The following LGR5 variants were observed in gnomAD, a reference collection of about 807,000 sequenced individuals.
The protein encoded by LGR5 is leucine rich repeat containing G protein-coupled receptor 5, also known as leucine-rich repeat-containing G protein-coupled receptor 5.
A neutral mutation model predicts 76.7 loss-of-function variants in LGR5; 54 were observed. The observed-to-expected ratio is 0.70, with a 90% confidence interval of 0.57 to 0.88. The LOEUF (loss-of-function observed/expected upper bound fraction) is 0.88. LGR5 is among the 40% of genes least tolerant of loss of function. The probability of loss-of-function intolerance (pLI) is 0.00; values close to 1 mark genes in which losing one functional copy is unlikely to be tolerated. For missense variants in LGR5, 1,078 were observed against 1,073.3 expected, an observed-to-expected ratio of 1.00 and a Z score of -0.06; for synonymous variants, 406 against 421.9, an observed-to-expected ratio of 0.96 and a Z score of 0.46.
chr12:71,575,258 C>T (rs1487320048), intron 13 of LGR5, among the ~76,000 whole-genome samples: 1 of 152,090 alleles, frequency 6.6e-6, no homozygotes, highest in Non-Finnish European at 1.5e-5. Context: ...CATAACTATA[C>T]CTGGCACATT....
At chr12:71,507,421 A>G (rs984023221) in intron 2 of LGR5, among the ~76,000 whole-genome samples, 3 of 152,082 alleles carry the variant, frequency 2.0e-5, no homozygotes, top group Admixed American at 1.3e-4. Flanking sequence ...CAGTGTGTAT[A>G]TATGTGTCTG....
chr12:71,556,905 T>C (rs1255646616), intron 6 of LGR5, among the ~76,000 whole-genome samples: 2 of 152,180 alleles, frequency 1.3e-5, no homozygotes, highest in Non-Finnish European at 2.9e-5. Flanking sequence ...GATAAATTAG[T>C]TAGAATCATT....
At chr12:71,510,590 G>GT (rs200804104) in intron 2 of LGR5, among the ~76,000 whole-genome samples, 14,023 of 152,190 alleles carry the variant, frequency 0.092, 672 homozygotes, top group Non-Finnish European at 0.11. Flanking sequence ...TGCTGTGTTT[G>GT]TTCCATTCAT....
intron 4 of LGR5, among the ~76,000 whole-genome samples, chr12:71,547,202 G>GC (rs1877220898): frequency 6.6e-6 from 1 of 152,138 alleles, no homozygotes; most frequent in Non-Finnish European, 1.5e-5. Flanking sequence ...TTTTTCCTCA[G>GC]CCATTTTAGC....
In LGR5 at chr12:71,572,935, C is replaced by G. The variant is rs1429181343; in HGVS notation, c.1208+14C>G. Reference sequence around the variant, plus strand: ...CCTCCGATCGCTGTGAGTATCACCTCCCAGTGCGTTCCCCAGCACAGAGCA... The same window carrying G: ...CCTCCGATCGCTGTGAGTATCACCTGCCAGTGCGTTCCCCAGCACAGAGCA... On this transcript the variant is annotated intron_variant, in intron 13 of 17. Transcript: ENST00000266674. 1.2e-6 allele frequency: 2 copies of G among 1,600,360 alleles called. No individual in the cohort carries two copies. The highest frequency in any genetic ancestry group is 1.3e-5 in the African/African-American group (1 of 74,674).
At position 71,440,276 on chromosome 12, in the gene LGR5, G is replaced by T; in HGVS notation, c.196G>T (p.Val66Phe). The T allele has an allele frequency of 6.2e-7, 1 of 1,611,794 alleles. No individual in the cohort carries two copies. Among genetic ancestry groups the T allele is most frequent in the Non-Finnish European group, 8.5e-7 (1 of 1,179,962 alleles). The change falls in exon 1 of 18, where the codon GTC becomes TTC. Residue 66 changes from valine (V) to phenylalanine (F), a missense_variant. Transcript: ENST00000266674. The surrounding 1 kb of genome is among the most constrained non-coding windows in gnomAD (Gnocchi z 5.3). ...GLSELPSNLS[V>F]FTSYLDLSMN... is the part of the protein sequence containing the mutation. ...CTCGGAGCTGCCTTCCAACCTCAGC[G>T]TCTTCACCTCCTACCTGTAAGTACT... is the stretch of plus-strand genomic sequence containing the variant.
chr12:71,455,661 G>A (rs540881407), intron 1 of LGR5, among the ~76,000 whole-genome samples: 8 of 152,120 alleles, frequency 5.3e-5, no homozygotes, highest in Admixed American at 2.6e-4. Context: ...GCAAAACCTC[G>A]TGCTGAGAAA....
chr12:71,465,616 C>T (rs1183937661), intron 1 of LGR5, among the ~76,000 whole-genome samples: 2 of 152,168 alleles, frequency 1.3e-5, no homozygotes, highest in African/African-American at 4.8e-5. Context: ...AACTCCATCT[C>T]CCATCCAGCT....
At chr12:71,522,975 A>G (rs1456008549) in intron 2 of LGR5, among the ~76,000 whole-genome samples, 5 of 152,190 alleles carry the variant, frequency 3.3e-5, no homozygotes, top group Non-Finnish European at 4.4e-5. Flanking sequence ...GGACCTTCTT[A>G]TGTTGCTAAT....
At chr12:71,471,716 T>C (rs1201401594) in intron 1 of LGR5, among the ~76,000 whole-genome samples, 1 of 151,958 alleles carries the variant, frequency 6.6e-6, no homozygotes, top group Non-Finnish European at 1.5e-5. Context: ...CTAGTGATCA[T>C]GGGCAGGATA....
intron 11 of LGR5, among the ~76,000 whole-genome samples, chr12:71,568,093 A>G (rs1374138346): frequency 6.6e-6 from 1 of 152,324 alleles, no homozygotes; most frequent in South Asian, 2.1e-4. Flanking sequence ...AAACTGGCGC[A>G]GTTATATGAT....
At chr12:71,462,101 C>T (rs1465730887) in intron 1 of LGR5, among the ~76,000 whole-genome samples, 2 of 152,138 alleles carry the variant, frequency 1.3e-5, no homozygotes, top group Non-Finnish European at 2.9e-5. Context: ...ACTGCCAAAT[C>T]AGTCTTTCTA....
At chr12:71,546,212 G>A (rs1311191563) in intron 4 of LGR5, among the ~76,000 whole-genome samples, 1 of 151,976 alleles carries the variant, frequency 6.6e-6, no homozygotes, top group Non-Finnish European at 1.5e-5. Flanking sequence ...CTACTCAGGA[G>A]GCTGAGGCAG....
chr12:71,562,886 A>C (rs1024789540), intron 8 of LGR5, among the ~76,000 whole-genome samples: 2 of 152,210 alleles, frequency 1.3e-5, no homozygotes, highest in African/African-American at 4.8e-5. Flanking sequence ...AGGAGTCCCA[A>C]TTAGCCTTGA....
intron 1 of LGR5, among the ~76,000 whole-genome samples, chr12:71,500,537 A>G: frequency 6.6e-6 from 1 of 152,208 alleles, no homozygotes; most frequent in South Asian, 2.1e-4. Flanking sequence ...TCCCAGGCTC[A>G]GGTGATCCTC....
chr12:71,535,355 G>A (rs1196589172), intron 4 of LGR5, among the ~76,000 whole-genome samples, 169 bp downstream of exon 4: 1 of 152,178 alleles, frequency 6.6e-6, no homozygotes, highest in Non-Finnish European at 1.5e-5. Flanking sequence ...TGAGCAATAT[G>A]TATGGGAGGA....
At chr12:71,546,319 T>TAC (rs1565741326) in intron 4 of LGR5, among the ~76,000 whole-genome samples, 3 of 150,128 alleles carry the variant, frequency 2.0e-5, no homozygotes, top group African/African-American at 4.9e-5. Context: ...AGTCTCAAAA[T>TAC]ATATATATAT....
At chr12:71,541,189 G>A (rs927838893) in intron 4 of LGR5, among the ~76,000 whole-genome samples, 2 of 152,122 alleles carry the variant, frequency 1.3e-5, no homozygotes, top group Admixed American at 6.6e-5. Context: ...ATTTTAACAG[G>A]AAAAGCTCCT....
At chr12:71,516,534 A>G (rs1875450225) in intron 2 of LGR5, among the ~76,000 whole-genome samples, 1 of 152,168 alleles carries the variant, frequency 6.6e-6, no homozygotes, top group African/African-American at 2.4e-5. Flanking sequence ...GATCTTGTAC[A>G]CATACCTCTC....
Sources: allele counts gnomAD v4.1 joint callset (sites outside exome capture counted in the v4.1 genomes callset), GRCh38; gene constraint gnomAD v4.1.1; non-coding constraint Gnocchi (gnomAD v3.1); transcripts MANE v1.5; gene names NCBI Gene and HGNC (gene_info 2026-07-23, HGNC 2026-07-21).